The following ACCS variants were observed in gnomAD, a reference collection of about 807,000 sequenced individuals.
ACCS encodes 1-aminocyclopropane-1-carboxylate synthase homolog (inactive).
In ACCS, 42 loss-of-function variants were observed where a neutral mutation model predicts 59.8. The ratio of observed to expected loss-of-function variants is 0.70; its 90% CI spans 0.55 to 0.91. The LOEUF is 0.91. ACCS is among the 40% of genes least tolerant of loss of function. The probability of loss-of-function intolerance (pLI) is 0.00; values close to 1 mark genes in which losing one functional copy is unlikely to be tolerated. For synonymous variants in ACCS, 230 were observed against 240.3 expected (o/e 0.96, Z 0.40); for missense variants, 602 against 630.4 (o/e 0.95, Z 0.48).
chr11:44,081,326 T>G lies in ACCS; in HGVS notation c.1111+6T>G. 6.2e-7 allele frequency: 1 copy of G among 1,612,444 alleles called. No homozygotes were observed. Among genetic ancestry groups the G allele is most frequent in the Non-Finnish European group, 8.5e-7 (1 of 1,178,736 alleles). On this transcript the variant is annotated splice_donor_region_variant and intron_variant, in intron 12 of 14. Transcript: ENST00000263776. ...ACAGCTGCTCCGGGACCGTGGTGAC[T>G]GCCTGGGCCTGGTGACCTGAAAATG... is the stretch of plus-strand genomic sequence containing the variant.
At chr11:44,078,392 AGCTATACATACTCACTGTAGGAATTTTG>A (rs1953477270) in intron 8 of ACCS, 1 of 359,166 alleles carries the variant, frequency 2.8e-6, no homozygotes, top group Non-Finnish European at 5.0e-6. Flanking sequence ...CTGTCATGAA[AGCTATACATACTCACTGTAGGAATTTTG>A]AAAGTGCAAA....
In ACCS at chr11:44,070,236, T is replaced by A. The variant is rs184246634; in HGVS notation, c.289-1020T>A. Among the ~76,000 whole-genome samples the A allele has an allele frequency of 3.9e-5, 6 of 152,166 alleles. No homozygotes were observed. In the East Asian group the frequency reaches 1.2e-3, roughly 29 times the overall value. ...GTCTGAATTTGGGTTTTGAAAGATGTCTTGGACTGCTGTATGGAGATTTGA... is the reference window on the plus strand; with the variant it reads ...GTCTGAATTTGGGTTTTGAAAGATGACTTGGACTGCTGTATGGAGATTTGA... On this transcript the variant is annotated intron_variant, in intron 2 of 14. Coordinates refer to ENST00000263776, the MANE Select transcript of ACCS (RefSeq NM_032592.4).
At chr11:44,078,975 A>G (rs1953508385) in intron 9 of ACCS, 191 bp downstream of exon 9, 2 of 583,446 alleles carry the variant, frequency 3.4e-6, no homozygotes, top group Non-Finnish European at 6.1e-6. Context: ...ACTCTTTATA[A>G]CAATAGCTAT....
rs937409919 is a variant in ACCS at position 44,081,381 on chromosome 11, G to T, written c.1111+61G>T. The T allele has an allele frequency of 9.4e-6, 15 of 1,596,082 alleles. No individual in the cohort carries two copies. In the African/African-American group the frequency reaches 1.7e-4, roughly 19 times the overall value. On this transcript the variant is annotated intron_variant, in intron 12 of 14. Transcript: ENST00000263776. The stretch of plus-strand genomic sequence containing the variant: ...GAGGGTTGGAGGCAGCCTGGGAACA[G>T]CCAGGAATCATAGATACTTCTCCTA...
At chr11:44,077,232 G>A (rs113051210) in intron 6 of ACCS, 47 bp from the exon 7 acceptor site, 39 of 1,592,866 alleles carry the variant, frequency 2.4e-5, no homozygotes, top group Middle Eastern at 3.4e-4. Context: ...AGGGTCTGGG[G>A]TGTTCTGGCC....
At chr11:44,067,444 A>G in intron 1 of ACCS, 184 bp from the exon 2 acceptor site, 1 of 630,158 alleles carries the variant, frequency 1.6e-6, no homozygotes, top group Non-Finnish European at 2.7e-6. Flanking sequence ...GGTCCTTAAC[A>G]GATTTTTCTT....
chr11:44,078,580 C>T, intron 8 of ACCS, 104 bp from the exon 9 acceptor site: 1 of 854,266 alleles, frequency 1.2e-6, no homozygotes, highest in Non-Finnish European at 1.9e-6. Context: ...AACATGTCCC[C>T]CTCAAATCTC....
At position 44,074,692 on chromosome 11, in the gene ACCS, C is replaced by G; in HGVS notation, c.489+11C>G. ...CTCAGACCAGAGAATGTGAGTGGCCCCCTCCACTGCTCCTTCCTGTTCTCC... is the reference window on the plus strand; with the variant it reads ...CTCAGACCAGAGAATGTGAGTGGCCGCCTCCACTGCTCCTTCCTGTTCTCC... On this transcript the variant is annotated intron_variant, in intron 5 of 14. Coordinates refer to ENST00000263776, the MANE Select transcript of ACCS (RefSeq NM_032592.4). 1 of 1,580,134 alleles carries G rather than the reference C, an allele frequency of 6.3e-7. No homozygotes were observed. The highest frequency in any genetic ancestry group is 1.1e-5 in the South Asian group (1 of 87,184).
chr11:44,081,444 C>A, intron 12 of ACCS, 124 bp downstream of exon 12: 1 of 1,432,252 alleles, frequency 7.0e-7, no homozygotes, highest in Non-Finnish European at 9.3e-7. Context: ...AGTGCCAGCT[C>A]TGAGCCCCGA....
chr11:44,083,800 A>G lies in ACCS; in HGVS notation c.*8A>G, dbSNP rs1175429971. 44 of 1,596,826 alleles carry G rather than the reference A, an allele frequency of 2.8e-5. No individual in the cohort carries two copies. The highest frequency in any genetic ancestry group is 3.8e-5 in the Non-Finnish European group (44 of 1,171,522). On this transcript the variant is annotated 3_prime_UTR_variant, in exon 15 of 15. Coordinates refer to ENST00000263776, the MANE Select transcript of ACCS (RefSeq NM_032592.4). ...AGTGACCAACGCAGGTGAGCTGGTC[A>G]TTGTCTCGTGGCCAGAGGGCCCAGC... is the stretch of plus-strand genomic sequence containing the variant.
At chr11:44,077,204 ACTGGGGACAGTGGACAGAGGGT>A (rs1264972842) in intron 6 of ACCS, 53 bp from the exon 7 acceptor site, 1 of 1,500,932 alleles carries the variant, frequency 6.7e-7, no homozygotes, top group East Asian at 2.3e-5. Context: ...TTGGAGAGGG[ACTGGGGACAGTGGACAGAGGGT>A]CTGGGGTGTT....
chr11:44,083,351 G>T (rs568614096), intron 13 of ACCS, 40 bp downstream of exon 13: 355 of 1,612,706 alleles, frequency 2.2e-4, no homozygotes, highest in Non-Finnish European at 2.8e-4. Flanking sequence ...GGAGTTTCAG[G>T]TCTCCCTCCA....
At chr11:44,076,187 G>T (rs1488172747) in intron 6 of ACCS, among the ~76,000 whole-genome samples, 1 of 152,240 alleles carries the variant, frequency 6.6e-6, no homozygotes, top group African/African-American at 2.4e-5. Flanking sequence ...CAGCCAGCCA[G>T]CATTGCCTGC....
rs1226112962 is a variant in ACCS at position 44,084,063 on chromosome 11, C to G, written c.*271C>G. The G allele has an allele frequency of 1.7e-5, 9 of 530,182 alleles. No individual in the cohort carries two copies. The highest frequency in any genetic ancestry group is 2.4e-5 in the Non-Finnish European group (8 of 326,728). The allele number at this position is 530,182 out of a possible 1,614,324, so 32.8% of individuals were successfully genotyped here. On this transcript the variant is annotated 3_prime_UTR_variant, in exon 15 of 15. Transcript: ENST00000263776. ...GTTATTTAGAATGGAGGAGTCGTGA[C>G]TGCTTCTAACCAGAGCCTCAGCCCC...
In ACCS at chr11:44,079,510, C is replaced by T. The variant is rs373085784; in HGVS notation, c.834-21C>T. On this transcript the variant is annotated intron_variant, in intron 9 of 14. Transcript: ENST00000263776. ...TGCCCTACACACTAAGTCTCTCCTCCCCACCCCTGCCTCACTCCAGGCACA... is the reference window on the plus strand; with the variant it reads ...TGCCCTACACACTAAGTCTCTCCTCTCCACCCCTGCCTCACTCCAGGCACA... 1.6e-5 allele frequency: 25 copies of T among 1,598,462 alleles called. No individual in the cohort carries two copies. The African/African-American group carries it at 2.8e-4, about 18-fold the overall frequency.
chr11:44,075,481 T>C, intron 5 of ACCS, 45 bp from the exon 6 acceptor site: 1 of 1,603,140 alleles, frequency 6.2e-7, no homozygotes, highest in Non-Finnish European at 8.5e-7. Context: ...CCGTGCACAC[T>C]CCTGGAACTG....
At chr11:44,077,435 G>A (rs2074043) in intron 7 of ACCS, 59 bp downstream of exon 7, 654,698 of 1,606,542 alleles carry the variant, frequency 0.41, 135,632 homozygotes, top group African/African-American at 0.56. Flanking sequence ...GAGTTTCCTG[G>A]GTCTGAATTT....
chr11:44,067,813 C>T lies in ACCS; in HGVS notation c.186C>T (p.Tyr62=). 1 of 1,614,112 alleles carries T rather than the reference C, an allele frequency of 6.2e-7. No individual in the cohort carries two copies. The highest frequency in any genetic ancestry group is 8.5e-7 in the Non-Finnish European group (1 of 1,179,994). The change falls in exon 2 of 15, where the codon TAC becomes TAT. Residue 62 remains tyrosine (Y), a synonymous_variant. Transcript: ENST00000263776. ...DPAMISSDTS[Y]LSSRGRMIKW... is the part of the protein sequence containing the mutation. ...CCATGATCTCCTCTGATACCTCCTA[C>T]CTGTCCTCTAGAGGAAGAATGATTA...
intron 7 of ACCS, 175 bp downstream of exon 7, chr11:44,077,551 C>A: frequency 6.9e-7 from 1 of 1,446,176 alleles, no homozygotes. Context: ...CTCCAAAGTT[C>A]CAGTCTCTGA....
Sources: allele counts gnomAD v4.1 joint callset (sites outside exome capture counted in the v4.1 genomes callset), GRCh38; gene constraint gnomAD v4.1.1; transcripts MANE v1.5; gene names NCBI Gene and HGNC (gene_info 2026-07-23, HGNC 2026-07-21).